The following NUP43 variants were observed in gnomAD, a reference collection of about 807,000 sequenced individuals.
NUP43 encodes the protein nucleoporin Nup43.
A neutral mutation model predicts 47.3 loss-of-function variants in NUP43; 32 were observed. The ratio of observed to expected loss-of-function variants is 0.68; its 90% CI spans 0.51 to 0.91. The LOEUF (loss-of-function observed/expected upper bound fraction) is 0.91. Ranked by LOEUF, NUP43 falls within the 40% of genes least tolerant of loss-of-function variation. NUP43 has a pLI of 0.00. For missense variants in NUP43, 444 were observed against 453.9 expected (o/e 0.98, Z 0.20); for synonymous variants, 147 against 158.4 (o/e 0.93, Z 0.54).
At position 149,731,464 on chromosome 6, in the gene NUP43, G is replaced by A. The variant is rs1457840584; in HGVS notation, c.913+149C>T. 9 of 590,962 alleles carry A rather than the reference G, an allele frequency of 1.5e-5. 1 individual carries two copies. The highest frequency in any genetic ancestry group is 2.5e-5 in the Non-Finnish European group (9 of 356,208). The allele number at this position is 590,962 out of a possible 1,614,324, so 36.6% of individuals were successfully genotyped here. On this transcript the variant is annotated intron_variant, in intron 7 of 7. Coordinates refer to ENST00000340413, the MANE Select transcript of NUP43 (RefSeq NM_198887.3). ...AGTAGTCCTGGCTACTCGGGAGGCT[G>A]AGGCACGAGAATCGCTTGAACCCAG...
At chr6:149,728,388 C>T (rs1311205805) in intron 7 of NUP43, 1 of 983,744 alleles carries the variant, frequency 1.0e-6, no homozygotes, top group Non-Finnish European at 1.2e-6. Flanking sequence ...CTTAGTTAAT[C>T]CTTAGATGAA....
intron 7 of NUP43, among the ~76,000 whole-genome samples, chr6:149,729,095 A>C (rs371833202): frequency 1.3e-5 from 2 of 151,880 alleles, no homozygotes; most frequent in East Asian, 3.9e-4. Context: ...GGTTCAAGCA[A>C]TTCTCCTGCC....
chr6:149,731,830 C>G, intron 6 of NUP43, 95 bp from the exon 7 acceptor site: 2 of 1,262,322 alleles, frequency 1.6e-6, no homozygotes, highest in Non-Finnish European at 2.2e-6. Flanking sequence ...CCATTATCCT[C>G]CATCACATAC....
At chr6:149,737,831 T>C (rs751225637) in intron 5 of NUP43, among the ~76,000 whole-genome samples, 49 of 151,996 alleles carry the variant, frequency 3.2e-4, no homozygotes, top group Admixed American at 3.0e-3. Flanking sequence ...GCGGGGTCTA[T>C]AGGCACGTGC....
rs1306290774 is a variant in NUP43, at chr6:149,726,956, A to G, written c.*13T>C. ...TTGCATGTTCTATCTGAAATCTTAT[A>G]ATTATAGTACTTCTACGAAAAAAGA... On this transcript the variant is annotated 3_prime_UTR_variant, in exon 8 of 8. Coordinates refer to ENST00000340413, the MANE Select transcript of NUP43 (RefSeq NM_198887.3). The G allele has an allele frequency of 6.3e-7, 1 of 1,593,690 alleles. No homozygotes were observed. The highest frequency in any genetic ancestry group is 8.6e-7 in the Non-Finnish European group (1 of 1,162,380).
At chr6:149,737,300 AAG>A (rs1446531479) in intron 5 of NUP43, among the ~76,000 whole-genome samples, 1 of 151,818 alleles carries the variant, frequency 6.6e-6, no homozygotes, top group Admixed American at 6.6e-5. Context: ...AAAAAAAAAA[AAG>A]AGAGACAGGG....
intron 7 of NUP43, chr6:149,728,368 G>A (rs896316715): frequency 7.1e-6 from 7 of 983,288 alleles, no homozygotes; most frequent in South Asian, 4.7e-5. Context: ...AAGTAAAAAC[G>A]AAGTACATAC....
Position 149,725,855 on chromosome 6 carries a change from C to T in NUP43, c.*1114G>A, listed in dbSNP as rs1226870466. On this transcript the variant is annotated 3_prime_UTR_variant, in exon 8 of 8. Transcript: ENST00000340413. ...TTGGTAACACTATAGGTGGCTAAAA[C>T]AAAGTAAAAGGATCAAAATGGCAAA... 1 of 152,072 alleles carries T rather than the reference C, an allele frequency of 6.6e-6. No homozygotes were observed. The highest frequency in any genetic ancestry group is 1.5e-5 in the Non-Finnish European group (1 of 67,992). The allele number at this position is 152,072 out of a possible 1,614,324, so 9.4% of individuals were successfully genotyped here. A position where few individuals can be genotyped will look rare whatever the true frequency, so the allele number is the denominator to read the frequency against.
intron 3 of NUP43, among the ~76,000 whole-genome samples, chr6:149,743,413 T>C (rs1020998019): frequency 1.3e-5 from 2 of 151,424 alleles, no homozygotes; most frequent in African/African-American, 4.9e-5. Flanking sequence ...CTGACCAACA[T>C]GGAGAAACCC....
At chr6:149,737,792 G>C (rs1175237255) in intron 5 of NUP43, among the ~76,000 whole-genome samples, 1 of 152,064 alleles carries the variant, frequency 6.6e-6, no homozygotes, top group Non-Finnish European at 1.5e-5. Flanking sequence ...CCAGGTTCAA[G>C]TGATTCTCCT....
At chr6:149,737,988 G>T (rs1381415041) in intron 5 of NUP43, among the ~76,000 whole-genome samples, 1 of 152,044 alleles carries the variant, frequency 6.6e-6, no homozygotes, top group Non-Finnish European at 1.5e-5. Context: ...ACCACGCCCA[G>T]CCTGGCTGAA....
chr6:149,729,603 C>G (rs1471192684), intron 7 of NUP43: 2 of 879,774 alleles, frequency 2.3e-6, no homozygotes, highest in Admixed American at 1.2e-4. Flanking sequence ...TTTCCCTTTT[C>G]TTCCTATTTG....
At chr6:149,741,996 T>A (rs532676030) in intron 4 of NUP43, among the ~76,000 whole-genome samples, 5 of 152,202 alleles carry the variant, frequency 3.3e-5, no homozygotes, top group Admixed American at 2.0e-4. Flanking sequence ...GTAGCTGGGA[T>A]TACAGGCATG....
In NUP43 at chr6:149,738,728, CAGG is replaced by C. The variant is rs769729028; in HGVS notation, c.550_552del (p.Pro184del). ...CCAATTGAATTTACAGTAAGAATCT[CAGG>C]AGTTCGAAGAAAGGTTACAGCATGG... On this transcript the variant is annotated inframe_deletion, in exon 5 of 8. Coordinates refer to ENST00000340413, the MANE Select transcript of NUP43 (RefSeq NM_198887.3). The C allele has an allele frequency of 6.3e-7, 1 of 1,594,266 alleles. No homozygotes were observed. Among genetic ancestry groups the C allele is most frequent in the Non-Finnish European group, 8.5e-7 (1 of 1,171,354 alleles).
intron 2 of NUP43, 136 bp downstream of exon 2, chr6:149,745,804 G>T: frequency 1.5e-6 from 1 of 653,430 alleles, no homozygotes; most frequent in Non-Finnish European, 2.5e-6. Context: ...AATGATGTTG[G>T]GCAAATCATA....
In NUP43 at chr6:149,732,472, G is replaced by A. The variant is rs374337303; in HGVS notation, c.791-737C>T. 6.6e-5 allele frequency among the ~76,000 whole-genome samples: 10 copies of A among 151,844 alleles called. No homozygotes were observed. In the East Asian group the frequency reaches 1.6e-3, roughly 24 times the overall value. ...TGAGGCAGGAGAATCGCTTGAACCC[G>A]GGAGGCAGAGGTTGCAATGAGCCAA... On this transcript the variant is annotated intron_variant, in intron 6 of 7. Transcript: ENST00000340413.
chr6:149,746,059 T>A lies in NUP43; in HGVS notation c.124A>T (p.Asn42Tyr), dbSNP rs1302994776. Reference protein sequence around the residue: ...FATGSWDNEENYISLWSIGDF... With the variant: ...FATGSWDNEEYYISLWSIGDF... Reference sequence around the variant, plus strand: ...CCAATAGACCACAGTGAAATATAATTTTCCTGTAAAACAGAAAGTTTTGTC... The same window carrying A: ...CCAATAGACCACAGTGAAATATAATATTCCTGTAAAACAGAAAGTTTTGTC... The change falls in exon 2 of 8, where the codon AAT becomes TAT. Residue 42 changes from asparagine to tyrosine, a missense_variant. Asn to Tyr is a moderately radical substitution (Grantham distance 143). Coordinates refer to ENST00000340413, the MANE Select transcript of NUP43 (RefSeq NM_198887.3). 1 of 1,612,364 alleles carries A rather than the reference T, an allele frequency of 6.2e-7. No homozygotes were observed. Among genetic ancestry groups the A allele is most frequent in the Non-Finnish European group, 8.5e-7 (1 of 1,179,694 alleles).
chr6:149,746,101 G>A (rs1440054288), intron 1 of NUP43, 39 bp from the exon 2 acceptor site: 1 of 1,598,394 alleles, frequency 6.3e-7, no homozygotes, highest in South Asian at 1.1e-5. Context: ...TGACATAAAC[G>A]TCAACTCTCG....
At chr6:149,743,466 G>A (rs182191311) in intron 3 of NUP43, among the ~76,000 whole-genome samples, 172 bp downstream of exon 3, 141 of 152,156 alleles carry the variant, frequency 9.3e-4, no homozygotes, top group African/African-American at 3.3e-3. Context: ...GTGGTGGCAC[G>A]TGCCTGTAAT....
Sources: gnomAD v4.1 joint callset for allele counts (sites outside exome capture counted in the v4.1 genomes callset) on GRCh38, gnomAD v4.1.1 for gene constraint, MANE v1.5 for transcripts, NCBI Gene and HGNC (gene_info 2026-07-23, HGNC 2026-07-21) for gene names.